Variants in CLOCK observed in about 807,000 individuals in gnomAD.
The protein encoded by CLOCK is circadian locomoter output cycles protein kaput.
In CLOCK, 43 loss-of-function variants were observed where a neutral mutation model predicts 118.4. That is an observed-to-expected ratio of 0.36 (90% CI 0.28 to 0.47). The LOEUF (loss-of-function observed/expected upper bound fraction) is 0.47, where lower values mean the gene tolerates loss of function less well. CLOCK is among the 20% of genes least tolerant of loss of function. The pLI is 1.00. For missense variants in CLOCK, 846 were observed against 999.9 expected (o/e 0.85, Z 2.08); for synonymous variants, 326 against 339.2 (o/e 0.96, Z 0.43).
At chr4:55,534,258 C>T (rs1013354160) in intron 1 of CLOCK, among the ~76,000 whole-genome samples, 1 of 152,138 alleles carries the variant, frequency 6.6e-6, no homozygotes, top group Non-Finnish European at 1.5e-5. Context: ...TCCTCAAACT[C>T]TTCCAAAGAA....
Position 55,459,182 on chromosome 4 carries a change from T to A in CLOCK, c.639A>T (p.Val213=). Residue 213 remains valine, a synonymous_variant, in exon 10 of 23, where the codon GTA becomes GTT. Transcript: ENST00000513440. ...DPKEPSTYEY[V]KFIGNFKSLN... ...AAGATTTGAAATTTCCTATAAATTT[T>A]ACATATTCATAGGTAGATGGCTCCT... 1 of 1,605,250 alleles carries A rather than the reference T, an allele frequency of 6.2e-7. No homozygotes were observed. The highest frequency in any genetic ancestry group is 8.5e-7 in the Non-Finnish European group (1 of 1,171,960).
rs1355550345 is a variant in CLOCK, at chr4:55,532,384, G to C, written c.-290+14398C>G. On this transcript the variant is annotated intron_variant, in intron 1 of 22. Coordinates refer to ENST00000513440, the MANE Select transcript of CLOCK (RefSeq NM_004898.4). ...AGAAAGAAAATTATCTCTGTATACA[G>C]ATGACATGATTTATATGCAGAAAGC... Among the ~76,000 whole-genome samples the C allele has an allele frequency of 3.9e-5, 6 of 152,194 alleles. No individual in the cohort carries two copies. The East Asian group carries it at 1.2e-3, about 29-fold the overall frequency.
At chr4:55,528,289 T>C (rs1297049737) in intron 1 of CLOCK, among the ~76,000 whole-genome samples, 1 of 151,418 alleles carries the variant, frequency 6.6e-6, no homozygotes, top group Non-Finnish European at 1.5e-5. Flanking sequence ...GAGGTTGCAG[T>C]GAGCCGAGAT....
At chr4:55,456,333 T>G in intron 11 of CLOCK, 33 bp from the exon 12 acceptor site, 2 of 1,343,436 alleles carry the variant, frequency 1.5e-6, no homozygotes, top group Non-Finnish European at 2.1e-6. Flanking sequence ...TATAAATACT[T>G]TGTGTCCTTA....
intron 1 of CLOCK, among the ~76,000 whole-genome samples, chr4:55,536,324 A>G (rs1321565716): frequency 6.6e-6 from 1 of 152,156 alleles, no homozygotes; most frequent in Non-Finnish European, 1.5e-5. Flanking sequence ...GGCTCCTGAT[A>G]TGGGTTGGAT....
rs1348185468 is a variant in CLOCK at position 55,484,195 on chromosome 4, T to TG, written c.-43-1368_-43-1367insC. On this transcript the variant is annotated intron_variant, in intron 3 of 22. Coordinates refer to ENST00000513440, the MANE Select transcript of CLOCK (RefSeq NM_004898.4). ...TGTGAGGGGCTCAGAATATTTTTTTTTCTTTTTGTTTTTGAGATGGGGTCT... is the reference window on the plus strand; with the variant it reads ...TGTGAGGGGCTCAGAATATTTTTTTTGTCTTTTTGTTTTTGAGATGGGGTCT... 3.3e-5 allele frequency among the ~76,000 whole-genome samples: 5 copies of TG among 152,084 alleles called. No individual in the cohort carries two copies. In the East Asian group the frequency reaches 9.7e-4, roughly 29 times the overall value.
chr4:55,515,593 C>G (rs1729458165), intron 1 of CLOCK, among the ~76,000 whole-genome samples: 1 of 152,120 alleles, frequency 6.6e-6, no homozygotes, highest in Non-Finnish European at 1.5e-5. Context: ...CCGTGTTAGC[C>G]AGGATGGTCT....
At chr4:55,482,337 T>C (rs1726989989) in intron 4 of CLOCK, among the ~76,000 whole-genome samples, 2 of 152,236 alleles carry the variant, frequency 1.3e-5, no homozygotes, top group South Asian at 4.1e-4. Flanking sequence ...ATTACAATTT[T>C]AACTAATGAA....
intron 1 of CLOCK, among the ~76,000 whole-genome samples, chr4:55,533,478 G>C (rs964078249): frequency 2.6e-5 from 4 of 152,092 alleles, no homozygotes; most frequent in African/African-American, 9.7e-5. Context: ...TAAAAGTTTT[G>C]ATTTCCGAAT....
In CLOCK at chr4:55,444,802, G is replaced by A. The variant is rs774665691; in HGVS notation, c.1540-17C>T. 24 of 1,612,088 alleles carry A rather than the reference G, an allele frequency of 1.5e-5. No individual in the cohort carries two copies. In the Admixed American group the frequency reaches 2.3e-4, roughly 16 times the overall value. ...AAACTGAAACTGAAGTACCATGTACGGAAAAAGTGTAATATATTTTAGAAT... is the reference window on the plus strand; with the variant it reads ...AAACTGAAACTGAAGTACCATGTACAGAAAAAGTGTAATATATTTTAGAAT... On this transcript the variant is annotated splice_polypyrimidine_tract_variant and intron_variant, in intron 18 of 22. Coordinates refer to ENST00000513440, the MANE Select transcript of CLOCK (RefSeq NM_004898.4).
Position 55,542,300 on chromosome 4 carries a change from C to A in CLOCK, c.-290+4482G>T, listed in dbSNP as rs538046164. 2.7e-5 allele frequency among the ~76,000 whole-genome samples: 4 copies of A among 149,900 alleles called. No homozygotes were observed. In the East Asian group the frequency reaches 7.8e-4, roughly 29 times the overall value. ...CGGAGGTTGCAGTGAGCTGAGATCA[C>A]GCCACTGCACTCCAGCCCGGGTGAC... On this transcript the variant is annotated intron_variant, in intron 1 of 22. Transcript: ENST00000513440.
At chr4:55,530,645 A>C (rs967339869) in intron 1 of CLOCK, among the ~76,000 whole-genome samples, 7 of 151,696 alleles carry the variant, frequency 4.6e-5, no homozygotes, top group African/African-American at 1.7e-4. Flanking sequence ...CATGGTGGCA[A>C]ACGCCTGTAA....
chr4:55,526,686 C>T (rs749138742), intron 1 of CLOCK, among the ~76,000 whole-genome samples: 18 of 151,964 alleles, frequency 1.2e-4, no homozygotes, highest in Non-Finnish European at 1.5e-4. Context: ...CGGTGGCTCA[C>T]GCCTGTAATC....
intron 2 of CLOCK, among the ~76,000 whole-genome samples, chr4:55,501,042 C>A (rs955070410): frequency 1.3e-5 from 2 of 151,940 alleles, no homozygotes; most frequent in Non-Finnish European, 2.9e-5. Flanking sequence ...TTAGAAGAGA[C>A]GAGGTCTTGC....
At chr4:55,486,056 C>G (rs1019855175) in intron 3 of CLOCK, among the ~76,000 whole-genome samples, 1 of 152,152 alleles carries the variant, frequency 6.6e-6, no homozygotes, top group Non-Finnish European at 1.5e-5. Flanking sequence ...TTTATTCATA[C>G]ACATGCACAT....
chr4:55,432,792 A>C lies in CLOCK; in HGVS notation c.*2623T>G, dbSNP rs1285705339. The C allele has an allele frequency of 6.6e-6, 1 of 152,196 alleles. No homozygotes were observed. Among genetic ancestry groups the C allele is most frequent in the Non-Finnish European group, 1.5e-5 (1 of 68,024 alleles). The allele number at this position is 152,196 out of a possible 1,614,324, so 9.4% of individuals were successfully genotyped here. ...TTAGCAATGGTTAATTCTAAGCAGGAAAAGATGAGCTGCGAAGAACAGTAA... is the reference window on the plus strand; with the variant it reads ...TTAGCAATGGTTAATTCTAAGCAGGCAAAGATGAGCTGCGAAGAACAGTAA... On this transcript the variant is annotated 3_prime_UTR_variant, in exon 23 of 23. Transcript: ENST00000513440.
intron 2 of CLOCK, among the ~76,000 whole-genome samples, chr4:55,498,904 C>T (rs1361027873): frequency 6.6e-6 from 1 of 152,112 alleles, no homozygotes; most frequent in Admixed American, 6.5e-5. Context: ...ACAGAAGACA[C>T]GAGATCTGAT....
chr4:55,443,664 C>T (rs1209510565), intron 20 of CLOCK, 23 bp downstream of exon 20: 1 of 1,583,714 alleles, frequency 6.3e-7, no homozygotes, highest in East Asian at 2.2e-5. Flanking sequence ...CACTCCATAG[C>T]CCGCTGTGCT....
At chr4:55,504,911 C>T (rs181563371) in intron 2 of CLOCK, among the ~76,000 whole-genome samples, 13 of 152,206 alleles carry the variant, frequency 8.5e-5, no homozygotes, top group Non-Finnish European at 1.6e-4. Flanking sequence ...ACAGGCCAGG[C>T]GCAGTGGCTC....
Sources: allele counts gnomAD v4.1 joint callset (sites outside exome capture counted in the v4.1 genomes callset), GRCh38; gene constraint gnomAD v4.1.1; transcripts MANE v1.5; gene names NCBI Gene and HGNC (gene_info 2026-07-23, HGNC 2026-07-21).